CNST: variants seen among roughly 807,000 people sequenced by gnomAD.
CNST encodes the protein consortin.
Under a neutral mutation model 72.4 loss-of-function variants are expected in CNST, and 39 were observed. The observed-to-expected ratio is 0.54, with a 90% CI of 0.42 to 0.70. The LOEUF (loss-of-function observed/expected upper bound fraction) is 0.70, where lower values mean the gene tolerates loss of function less well. Ranked by LOEUF, CNST falls within the 30% of genes least tolerant of loss-of-function variation. CNST has a pLI of 0.00. For synonymous variants in CNST, 332 were observed against 320.1 expected (o/e 1.04, Z -0.40); for missense variants, 871 against 868.5 (o/e 1.00, Z -0.04).
At chr1:246,635,383 T>G (rs867629969) in intron 6 of CNST, among the ~76,000 whole-genome samples, 18 of 151,866 alleles carry the variant, frequency 1.2e-4, no homozygotes, top group East Asian at 3.9e-4. Context: ...ACCCCAATGA[T>G]GAAGATTACT....
chr1:246,636,848 A>G (rs1012283224), intron 6 of CNST, among the ~76,000 whole-genome samples: 1 of 152,174 alleles, frequency 6.6e-6, no homozygotes, highest in Non-Finnish European at 1.5e-5. Flanking sequence ...GACTGTTGAC[A>G]TGAGTATGGT....
chr1:246,634,078 C>A, intron 5 of CNST, 68 bp downstream of exon 5: 1 of 969,356 alleles, frequency 1.0e-6, no homozygotes, highest in Non-Finnish European at 1.6e-6. Flanking sequence ...ACAAAATTAA[C>A]ATATTTGACC....
intron 9 of CNST, among the ~76,000 whole-genome samples, chr1:246,653,760 C>T (rs1227546023): frequency 6.6e-6 from 1 of 152,162 alleles, no homozygotes; most frequent in Non-Finnish European, 1.5e-5. Context: ...ATTTGTACTG[C>T]TCTTCCTGGA....
In CNST at chr1:246,578,594, C is replaced by T. The variant is rs528589292; in HGVS notation, c.-52+11931C>T. ...GCTGAGGCAGGAGAATTGCTTGAACCCGGGAGGCGGAGGTTGCAGTGAGCC... is the reference window on the plus strand; with the variant it reads ...GCTGAGGCAGGAGAATTGCTTGAACTCGGGAGGCGGAGGTTGCAGTGAGCC... On this transcript the variant is annotated intron_variant, in intron 1 of 10. Transcript: ENST00000366513. 9.9e-5 allele frequency among the ~76,000 whole-genome samples: 15 copies of T among 152,226 alleles called. No individual in the cohort carries two copies. The South Asian group carries it at 2.5e-3, about 25-fold the overall frequency.
At chr1:246,616,241 C>T (rs1007800487) in intron 2 of CNST, among the ~76,000 whole-genome samples, 1 of 152,028 alleles carries the variant, frequency 6.6e-6, no homozygotes, top group Non-Finnish European at 1.5e-5. Flanking sequence ...ATCTTGAAAA[C>T]TTTTTGTGTA....
intron 2 of CNST, chr1:246,607,349 G>C (rs1055090782): frequency 2.0e-5 from 3 of 152,064 alleles, no homozygotes; most frequent in Non-Finnish European, 4.4e-5. Flanking sequence ...TGGTAAGCGC[G>C]ATGCCCTCTC....
intron 2 of CNST, among the ~76,000 whole-genome samples, chr1:246,595,337 A>G (rs989157241): frequency 1.3e-5 from 2 of 152,182 alleles, no homozygotes; most frequent in African/African-American, 4.8e-5. Context: ...GTCTCTCAGT[A>G]CGTATCCATC....
At chr1:246,567,797 C>G (rs1277875903) in intron 1 of CNST, among the ~76,000 whole-genome samples, 2 of 152,238 alleles carry the variant, frequency 1.3e-5, no homozygotes, top group East Asian at 3.9e-4. Context: ...TGACAATTTT[C>G]TAGAGGTGAC....
At chr1:246,605,450 A>G (rs919167144) in intron 2 of CNST, among the ~76,000 whole-genome samples, 1 of 152,222 alleles carries the variant, frequency 6.6e-6, no homozygotes, top group African/African-American at 2.4e-5. Context: ...GAGCGCGCCA[A>G]CAGACAGCAC....
intron 10 of CNST, among the ~76,000 whole-genome samples, chr1:246,664,647 C>T (rs561477077): frequency 0.021 from 3,215 of 151,978 alleles, 54 homozygotes; most frequent in Non-Finnish European, 0.034. Context: ...AGGATGGTCT[C>T]GATCTCCTGA....
At chr1:246,580,597 C>G (rs918418960) in intron 1 of CNST, among the ~76,000 whole-genome samples, 2 of 152,132 alleles carry the variant, frequency 1.3e-5, no homozygotes, top group African/African-American at 4.8e-5. Context: ...AGCAGACCTT[C>G]AAATATTTGG....
At position 246,660,285 on chromosome 1, in the gene CNST, A is replaced by G. The variant is rs1001635740; in HGVS notation, c.1923A>G (p.Pro641=). The part of the protein sequence containing the change: ...GDHPAQMQHK[P]SKRRVRFQEI... ...ATCCTGCCCAAATGCAACACAAACC[A>G]TCTAAGCGAAGAGTGAGATTCCAAG... The change falls in exon 10 of 11, where the codon CCA becomes CCG. Residue 641 remains proline (P), a synonymous_variant. Transcript: ENST00000366513. 6.2e-7 allele frequency: 1 copy of G among 1,614,172 alleles called. No individual in the cohort carries two copies. Among genetic ancestry groups the G allele is most frequent in the Non-Finnish European group, 8.5e-7 (1 of 1,180,004 alleles).
intron 2 of CNST, among the ~76,000 whole-genome samples, chr1:246,612,878 C>A (rs997482181): frequency 6.6e-6 from 1 of 152,036 alleles, no homozygotes; most frequent in African/African-American, 2.4e-5. Context: ...GAGTGAGACC[C>A]TGTCTCAAAA....
chr1:246,574,340 C>T (rs913994280), intron 1 of CNST, among the ~76,000 whole-genome samples: 26 of 152,174 alleles, frequency 1.7e-4, no homozygotes, highest in Admixed American at 1.5e-3. Context: ...CGCTCCCAGC[C>T]GCTCCAAAGA....
Position 246,665,912 on chromosome 1 carries a change from TC to T in CNST, c.*9del. ...CTGGATCTACCTCTCCTAGCAGCAT[TC>T]CAGACACAGACATGCTGGCAGTGAG... is the stretch of plus-strand genomic sequence containing the variant. On this transcript the variant is annotated 3_prime_UTR_variant, in exon 11 of 11. Coordinates refer to ENST00000366513, the MANE Select transcript of CNST (RefSeq NM_152609.3). 6.3e-7 allele frequency: 1 copy of T among 1,587,592 alleles called. No homozygotes were observed. The highest frequency in any genetic ancestry group is 8.6e-7 in the Non-Finnish European group (1 of 1,157,326).
At chr1:246,595,974 A>C (rs2103031699) in intron 2 of CNST, among the ~76,000 whole-genome samples, 1 of 152,302 alleles carries the variant, frequency 6.6e-6, no homozygotes, top group African/African-American at 2.4e-5. Flanking sequence ...TGCTGGAGGC[A>C]GTATTTGTGT....
chr1:246,591,860 G>T lies in CNST; in HGVS notation c.298G>T (p.Ala100Ser). 1.9e-6 allele frequency: 3 copies of T among 1,614,084 alleles called. No individual in the cohort carries two copies. Among genetic ancestry groups the T allele is most frequent in the African/African-American group, 2.7e-5 (2 of 75,028 alleles). The change falls in exon 2 of 11, where the codon GCC becomes TCC. Residue 100 changes from alanine to serine, a missense_variant. Ala to Ser is a moderately conservative substitution (Grantham distance 99). Coordinates refer to ENST00000366513, the MANE Select transcript of CNST (RefSeq NM_152609.3). ...TTGTGAAGCCTCCAGAGATGAACAGGCCTTCTTGGGAAAGGACAAAAAAAT... is the reference window on the plus strand; with the variant it reads ...TTGTGAAGCCTCCAGAGATGAACAGTCCTTCTTGGGAAAGGACAAAAAAAT... ...TLCEASRDEQ[A>S]FLGKDKKIPG...
At chr1:246,636,112 C>T (rs1665215373) in intron 6 of CNST, among the ~76,000 whole-genome samples, 1 of 152,138 alleles carries the variant, frequency 6.6e-6, no homozygotes, top group Admixed American at 6.5e-5. Flanking sequence ...GGTGTTTGTA[C>T]AGTTCCAGGC....
rs191920896 is a variant in CNST at position 246,631,300 on chromosome 1, T to C, written c.586-594T>C. On this transcript the variant is annotated intron_variant, in intron 3 of 10. Transcript: ENST00000366513. ...CATATGTAGCACTTTGTACATATTC[T>C]AAACAATATTAATCAACTGTTAGTG... Among the ~76,000 whole-genome samples the C allele has an allele frequency of 6.1e-4, 93 of 152,324 alleles. 1 individual carries two copies. Among genetic ancestry groups the C allele is most frequent in the African/African-American group, 2.2e-3 (90 of 41,560 alleles).
Sources: gnomAD v4.1 joint callset for allele counts (sites outside exome capture counted in the v4.1 genomes callset) on GRCh38, gnomAD v4.1.1 for gene constraint, MANE v1.5 for transcripts, NCBI Gene and HGNC (gene_info 2026-07-23, HGNC 2026-07-21) for gene names.